Variants in TRAF3 observed in about 807,000 individuals in gnomAD.
TRAF3 encodes TNF receptor associated factor 3, also known as TNF receptor-associated factor 3.
A neutral mutation model predicts 62.3 loss-of-function variants in TRAF3; 13 were observed. The observed-to-expected ratio is 0.21, with a 90% confidence interval of 0.14 to 0.33. TRAF3 has a LOEUF of 0.33. Ranked by LOEUF, TRAF3 falls within the 10% of genes least tolerant of loss-of-function variation. The pLI is 1.00. For synonymous variants in TRAF3, 269 were observed against 283.4 expected, an observed-to-expected ratio of 0.95 and a Z score of 0.51; for missense variants, 440 against 741.8, an observed-to-expected ratio of 0.59 and a Z score of 4.73.
At chr14:102,811,782 C>G (rs1317374220) in intron 1 of TRAF3, among the ~76,000 whole-genome samples, 3 of 149,840 alleles carry the variant, frequency 2.0e-5, no homozygotes, top group African/African-American at 7.4e-5. Flanking sequence ...CTGTCTCACT[C>G]TGCCACCCAG....
At chr14:102,878,236 A>G (rs1471152177) in intron 6 of TRAF3, among the ~76,000 whole-genome samples, 1 of 152,202 alleles carries the variant, frequency 6.6e-6, no homozygotes, top group Non-Finnish European at 1.5e-5. Flanking sequence ...AATTTGTCCT[A>G]CAGCATTGAA....
At chr14:102,883,504 A>G (rs946160970) in intron 6 of TRAF3, among the ~76,000 whole-genome samples, 1 of 152,200 alleles carries the variant, frequency 6.6e-6, no homozygotes, top group Admixed American at 6.5e-5. Flanking sequence ...AGGTAGGTGC[A>G]GAAGATGGAT....
At position 102,889,578 on chromosome 14, in the gene TRAF3, G is replaced by C. The variant is rs1454712011; in HGVS notation, c.670G>C (p.Glu224Gln). 1.2e-6 allele frequency: 2 copies of C among 1,614,226 alleles called. No individual in the cohort carries two copies. The highest frequency in any genetic ancestry group is 1.3e-5 in the African/African-American group (1 of 75,060). ...LRSELSAHLS[E>Q]CVNAPSTCSF... is the part of the protein sequence containing the mutation. ...GTTGCAGTTGAGTGCACACTTGTCAGAGTGTGTCAATGCCCCCAGCACCTG... is the reference window on the plus strand; with the variant it reads ...GTTGCAGTTGAGTGCACACTTGTCACAGTGTGTCAATGCCCCCAGCACCTG... The change falls in exon 8 of 12, where the codon GAG (glutamate) becomes CAG (glutamine). Residue 224 changes from glutamate to glutamine, a missense_variant. Transcript: ENST00000392745.
intron 2 of TRAF3, among the ~76,000 whole-genome samples, chr14:102,834,468 G>T (rs1198038190): frequency 6.6e-6 from 1 of 151,852 alleles, no homozygotes; most frequent in Non-Finnish European, 1.5e-5. Context: ...GGAGGCCGAG[G>T]TGGGTGGATC....
At chr14:102,792,627 C>T (rs1880681264) in intron 1 of TRAF3, among the ~76,000 whole-genome samples, 3 of 151,412 alleles carry the variant, frequency 2.0e-5, no homozygotes, top group African/African-American at 7.3e-5. Context: ...GCTTTTTGTG[C>T]ATCTTCTGAG....
chr14:102,854,996 AT>A (rs1887281616), intron 2 of TRAF3, among the ~76,000 whole-genome samples: 1 of 152,090 alleles, frequency 6.6e-6, no homozygotes, highest in African/African-American at 2.4e-5. Flanking sequence ...GTGAGTCCCC[AT>A]TATGCCTCCT....
At chr14:102,900,203 A>AG (rs1555377118) in intron 10 of TRAF3, among the ~76,000 whole-genome samples, 19 of 143,978 alleles carry the variant, frequency 1.3e-4, no homozygotes, top group South Asian at 2.2e-4. Flanking sequence ...AAAAAAAAAA[A>AG]GACAGCCTAG....
intron 1 of TRAF3, among the ~76,000 whole-genome samples, chr14:102,784,032 G>C (rs557258843): frequency 6.6e-6 from 1 of 152,114 alleles, no homozygotes; most frequent in African/African-American, 2.4e-5. Flanking sequence ...TTGTTAGTTA[G>C]GGACCACAGA....
At chr14:102,837,385 C>T (rs1383109350) in intron 2 of TRAF3, among the ~76,000 whole-genome samples, 1 of 152,100 alleles carries the variant, frequency 6.6e-6, no homozygotes, top group Non-Finnish European at 1.5e-5. Context: ...GTGATCCTTC[C>T]ACCTTGACCT....
At chr14:102,820,368 G>A (rs1046688300) in intron 1 of TRAF3, among the ~76,000 whole-genome samples, 1 of 151,794 alleles carries the variant, frequency 6.6e-6, no homozygotes, top group Non-Finnish European at 1.5e-5. Flanking sequence ...CTGCACTTGG[G>A]TGCCGGGGCC....
intron 1 of TRAF3, among the ~76,000 whole-genome samples, chr14:102,790,850 T>A (rs769261503): frequency 1.3e-5 from 2 of 152,070 alleles, no homozygotes; most frequent in Non-Finnish European, 2.9e-5. Flanking sequence ...TTTTGACTAT[T>A]TGGGGCCAGT....
At chr14:102,813,366 C>A (rs953121334) in intron 1 of TRAF3, among the ~76,000 whole-genome samples, 1 of 152,098 alleles carries the variant, frequency 6.6e-6, no homozygotes, top group South Asian at 2.1e-4. Context: ...TGATACTGAG[C>A]ATTTTTTATG....
intron 1 of TRAF3, among the ~76,000 whole-genome samples, chr14:102,789,751 A>T (rs1295098791): frequency 2.6e-5 from 4 of 151,850 alleles, no homozygotes; most frequent in African/African-American, 4.8e-5. Flanking sequence ...ACTCTTGGCC[A>T]TTTGTGTATT....
chr14:102,864,151 T>TC (rs1372364700), intron 2 of TRAF3, among the ~76,000 whole-genome samples: 1 of 149,342 alleles, frequency 6.7e-6, no homozygotes, highest in Non-Finnish European at 1.5e-5. Flanking sequence ...CTTTTTCTTT[T>TC]TTTTTTTTTT....
At chr14:102,838,009 G>A (rs1886131217) in intron 2 of TRAF3, among the ~76,000 whole-genome samples, 3 of 152,200 alleles carry the variant, frequency 2.0e-5, no homozygotes. Flanking sequence ...TACGGCACAA[G>A]TCAGTGAGCC....
At chr14:102,894,927 C>T in intron 9 of TRAF3, 3 of 331,244 alleles carry the variant, frequency 9.1e-6, no homozygotes, top group South Asian at 7.4e-5. Context: ...TCTTCAATTC[C>T]TTGGGCTCAA....
At chr14:102,817,596 C>A (rs1566753212) in intron 1 of TRAF3, among the ~76,000 whole-genome samples, 1 of 152,074 alleles carries the variant, frequency 6.6e-6, no homozygotes, top group Non-Finnish European at 1.5e-5. Flanking sequence ...GAGAAAATAC[C>A]AGCTTGCCCC....
chr14:102,905,819 ACTC>A lies in TRAF3; in HGVS notation c.*39_*41del. On this transcript the variant is annotated 3_prime_UTR_variant, in exon 12 of 12. Transcript: ENST00000392745. The stretch of plus-strand genomic sequence containing the variant: ...GGGGAGGTGGATTTAGCAGAAGGCA[ACTC>A]CTCTGGGGGATTTGAACCGGTCTGT... The A allele has an allele frequency of 3.2e-6, 5 of 1,577,814 alleles. No homozygotes were observed. The highest frequency in any genetic ancestry group is 4.4e-6 in the Non-Finnish European group (5 of 1,148,882).
At chr14:102,858,705 A>G (rs1010463259) in intron 2 of TRAF3, among the ~76,000 whole-genome samples, 1 of 148,726 alleles carries the variant, frequency 6.7e-6, no homozygotes, top group Admixed American at 6.7e-5. Flanking sequence ...GCTAAGTCAT[A>G]TCACAATTCT....
Sources: gnomAD v4.1 joint callset for allele counts (sites outside exome capture counted in the v4.1 genomes callset) on GRCh38, gnomAD v4.1.1 for gene constraint, MANE v1.5 for transcripts, NCBI Gene and HGNC (gene_info 2026-07-23, HGNC 2026-07-21) for gene names.